LPIN1: variants seen among roughly 807,000 people sequenced by gnomAD.
The protein encoded by LPIN1 is lipin 1.
A neutral mutation model predicts 107.5 loss-of-function variants in LPIN1; 71 were observed. The observed-to-expected ratio is 0.66, with a 90% CI of 0.55 to 0.80. LPIN1 has a LOEUF of 0.80. Among genes scored for constraint, LPIN1 ranks in the 30% least tolerant of loss-of-function variants. The probability of loss-of-function intolerance (pLI) is 0.00; values close to 1 mark genes in which losing one functional copy is unlikely to be tolerated. For missense variants in LPIN1, 1,043 were observed against 1,160.6 expected (o/e 0.90, Z 1.47); for synonymous variants, 445 against 452.6 (o/e 0.98, Z 0.21).
rs1242520687 is a variant in LPIN1 at position 11,765,282 on chromosome 2, CTGATGGGCTG to C, written c.-9-242_-9-233del. ...GGACCCTGATGGGCCGTGATGGACC[CTGATGGGCTG>C]TGATGGGCCGTGATGGACCCTGATG... On this transcript the variant is annotated intron_variant, in intron 1 of 20. Coordinates refer to ENST00000674199, the MANE Select transcript of LPIN1 (RefSeq NM_001349206.2). This position sits in a 1 kb window ranked among gnomAD's most constrained non-coding sequence, Gnocchi z 4.4. Among the ~76,000 whole-genome samples the C allele has an allele frequency of 6.3e-5, 9 of 143,156 alleles. No individual in the cohort carries two copies. The highest frequency in any genetic ancestry group is 4.3e-3 in the Middle Eastern group (1 of 230). 93.9% of individuals were successfully genotyped at this position (143,156 alleles called of 152,430 possible).
At chr2:11,773,772 C>G in intron 5 of LPIN1, 27 bp downstream of exon 5, 1 of 1,613,016 alleles carries the variant, frequency 6.2e-7, no homozygotes, top group Non-Finnish European at 8.5e-7. Flanking sequence ...TCCCCTGGCC[C>G]AGTGCAGAGG....
At chr2:11,731,830 G>GTT (rs58665647) in intron 1 of LPIN1, among the ~76,000 whole-genome samples, 13,781 of 149,532 alleles carry the variant, frequency 0.092, 708 homozygotes, top group Middle Eastern at 0.15. Flanking sequence ...GTGATGATGA[G>GTT]TTTTTTTTTT....
chr2:11,746,543 A>ACCGCCCCGCTTGCC, upstream of LPIN1: 1 of 530,140 alleles, frequency 1.9e-6, no homozygotes, highest in Non-Finnish European at 2.4e-6. Flanking sequence ...TCCCCCTCGC[A>ACCGCCCCGCTTGCC]CCGCCCCGCT....
intron 1 of LPIN1, among the ~76,000 whole-genome samples, chr2:11,695,491 A>G (rs1662526584): frequency 6.6e-6 from 1 of 152,102 alleles, no homozygotes; most frequent in Non-Finnish European, 1.5e-5. Context: ...GGAGCTCAGC[A>G]TGGCTGGAAT....
intron 17 of LPIN1, 54 bp from the exon 18 acceptor site, chr2:11,815,034 C>G (rs919213322): frequency 6.5e-7 from 1 of 1,535,842 alleles, no homozygotes; most frequent in African/African-American, 1.4e-5. Context: ...TTTATGAATG[C>G]AGAAAGGTTC....
In LPIN1 at chr2:11,800,959, T is replaced by A. The variant is rs574200073; in HGVS notation, c.1887-1948T>A. Among the ~76,000 whole-genome samples the A allele has an allele frequency of 3.3e-5, 5 of 152,352 alleles. No homozygotes were observed. The East Asian group carries it at 9.6e-4, about 29-fold the overall frequency. On this transcript the variant is annotated intron_variant, in intron 14 of 20. Coordinates refer to ENST00000674199, the MANE Select transcript of LPIN1 (RefSeq NM_001349206.2). ...ACGGGTTGTCTCTTCGCTCTGTTGA[T>A]TGTTTCCTTTGCTGGGCAGTAGCTG...
At position 11,718,845 on chromosome 2, in the gene LPIN1, C is replaced by T. The variant is rs550535547; in HGVS notation, c.138+5033C>T. 5.3e-5 allele frequency among the ~76,000 whole-genome samples: 8 copies of T among 152,276 alleles called. No individual in the cohort carries two copies. The East Asian group carries it at 1.4e-3, about 26-fold the overall frequency. ...TCTCTTGGGGGACAATTCCCTTCTCCTCTAATAGATATCAGCTGATGAGAT... is the reference window on the plus strand; with the variant it reads ...TCTCTTGGGGGACAATTCCCTTCTCTTCTAATAGATATCAGCTGATGAGAT... On this transcript the variant is annotated intron_variant, in intron 2 of 21. Transcript: ENST00000449576.
intron 1 of LPIN1, among the ~76,000 whole-genome samples, chr2:11,733,715 C>A (rs1472872711): frequency 6.6e-6 from 1 of 152,182 alleles, no homozygotes; most frequent in Non-Finnish European, 1.5e-5. Flanking sequence ...TGGTCTTGAA[C>A]TCCTGGCTTC....
chr2:11,818,605 G>T (rs1680991580), intron 18 of LPIN1: 1 of 151,090 alleles, frequency 6.6e-6, no homozygotes, highest in Non-Finnish European at 1.5e-5. Flanking sequence ...GTGCATATTT[G>T]TTTTTTGTGA....
chr2:11,728,066 G>A (rs963411282), intron 1 of LPIN1, among the ~76,000 whole-genome samples: 2 of 152,164 alleles, frequency 1.3e-5, no homozygotes, highest in Non-Finnish European at 2.9e-5. Context: ...CCTTTGTGTG[G>A]TTATGAGATT....
rs71394769 is a variant in LPIN1 at position 11,814,512 on chromosome 2, ATGTGTG to A, written c.2250-543_2250-538del. ...ACTAAGGATGTTTTGGTGTGTGTGC[ATGTGTG>A]TGTGTGTGTGTGTGTGTGTGTGTGT... On this transcript the variant is annotated intron_variant, in intron 17 of 20. Coordinates refer to ENST00000674199, the MANE Select transcript of LPIN1 (RefSeq NM_001349206.2). Among the ~76,000 whole-genome samples, 739 of 138,512 alleles carry A rather than the reference ATGTGTG, an allele frequency of 5.3e-3. 5 individuals are homozygous for A. The highest frequency in any genetic ancestry group is 0.016 in the African/African-American group (589 of 37,082). 90.9% of individuals were successfully genotyped at this position (138,512 alleles called of 152,430 possible). A position where few individuals can be genotyped will look rare whatever the true frequency, so the allele number is the denominator to read the frequency against.
At chr2:11,700,508 G>C (rs557930345) in intron 1 of LPIN1, among the ~76,000 whole-genome samples, 2 of 143,064 alleles carry the variant, frequency 1.4e-5, no homozygotes, top group South Asian at 4.6e-4. Context: ...TCTCTCTCTC[G>C]CTCTCTCTCC....
chr2:11,740,675 C>A (rs1447902365), intron 1 of LPIN1, among the ~76,000 whole-genome samples: 2 of 103,594 alleles, frequency 1.9e-5, no homozygotes, highest in African/African-American at 7.6e-5. Context: ...CACAGTGAGG[C>A]TCTATCTCGA....
In LPIN1 at chr2:11,805,127, C is replaced by T; in HGVS notation, c.2220C>T (p.Gly740=). ...TTGGGAAGGATTGGACCCATCAGGG[C>T]ATCGCTAAGCTGTACCATAAAGTGA... is the stretch of plus-strand genomic sequence containing the variant. ...PTLGKDWTHQ[G]IAKLYHKVSQ... is the part of the protein sequence containing the mutation. Residue 740 remains glycine (G), a synonymous_variant, in exon 17 of 21, where the codon GGC becomes GGT. Transcript: ENST00000674199. 1 of 1,614,086 alleles carries T rather than the reference C, an allele frequency of 6.2e-7. No individual in the cohort carries two copies. The highest frequency in any genetic ancestry group is 8.5e-7 in the Non-Finnish European group (1 of 1,179,932).
At chr2:11,687,842 A>C (rs1662083184) in intron 1 of LPIN1, among the ~76,000 whole-genome samples, 1 of 152,234 alleles carries the variant, frequency 6.6e-6, no homozygotes, top group Admixed American at 6.5e-5. Flanking sequence ...TTATTAAATG[A>C]GGCCATGGCA....
At chr2:11,723,863 A>G (rs2148537262), upstream of LPIN1, 1 of 152,322 alleles carries the variant, frequency 6.6e-6, no homozygotes, top group African/African-American at 2.4e-5. Flanking sequence ...ATAATTCAAA[A>G]ATTGTATACT....
intron 1 of LPIN1, among the ~76,000 whole-genome samples, chr2:11,679,350 A>G (rs1195706669): frequency 6.6e-6 from 1 of 152,178 alleles, no homozygotes; most frequent in East Asian, 1.9e-4. Flanking sequence ...GGAAGTTTGG[A>G]TTTAATACTG....
chr2:11,789,536 G>A (rs1675311298), intron 12 of LPIN1, among the ~76,000 whole-genome samples: 5 of 148,280 alleles, frequency 3.4e-5, no homozygotes, highest in Middle Eastern at 3.6e-3. Context: ...GCACATGTGT[G>A]CGTGCATGTG....
chr2:11,793,399 G>A (rs887984346), intron 13 of LPIN1, among the ~76,000 whole-genome samples: 2 of 152,180 alleles, frequency 1.3e-5, no homozygotes, highest in East Asian at 3.9e-4. Flanking sequence ...TCTCTGTACT[G>A]CAGATGCATT....
Sources: allele counts gnomAD v4.1 joint callset (sites outside exome capture counted in the v4.1 genomes callset), GRCh38; gene constraint gnomAD v4.1.1; non-coding constraint Gnocchi (gnomAD v3.1); transcripts MANE v1.5; gene names NCBI Gene and HGNC (gene_info 2026-07-23, HGNC 2026-07-21).